RYK: variants seen among roughly 807,000 people sequenced by gnomAD.
RYK encodes the protein inactive tyrosine-protein kinase RYK.
A neutral mutation model predicts 70.2 loss-of-function variants in RYK; 21 were observed. The observed-to-expected ratio is 0.30, with a 90% confidence interval of 0.21 to 0.43. The LOEUF is 0.43. RYK is among the 20% of genes least tolerant of loss of function. The probability of loss-of-function intolerance (pLI) is 1.00; values close to 1 mark genes in which losing one functional copy is unlikely to be tolerated. For missense variants in RYK, 604 were observed against 753.3 expected (o/e 0.80, Z 2.32); for synonymous variants, 267 against 278.0 (o/e 0.96, Z 0.39).
At chr3:134,174,980 C>T (rs2013047666) in intron 13 of RYK, among the ~76,000 whole-genome samples, 1 of 152,192 alleles carries the variant, frequency 6.6e-6, no homozygotes, top group African/African-American at 2.4e-5. Flanking sequence ...ACTGTAACTG[C>T]TCTGAGTCTC....
chr3:134,207,484 T>G lies in RYK; in HGVS notation c.631A>C (p.Ser211Arg). ...VKTSALDKNT[S>R]RTIYDPVHAA... ...CAGTAACACTTACAAATAGTTCTGC[T>G]AGTGTTTTTGTCCAAGGCTGAAGTT... Residue 211 changes from serine to arginine, a missense_variant, in exon 5 of 15, where the codon AGC (serine) becomes CGC (arginine). Ser to Arg is a moderately radical substitution (Grantham distance 110, BLOSUM62 -1). Around this residue, in one of 2 missense-constraint regions of RYK, gnomAD observed 466 missense variants for 535.9 expected, o/e 0.87. Coordinates refer to ENST00000623711, the MANE Select transcript of RYK (RefSeq NM_002958.4). 3 of 1,539,634 alleles carry G rather than the reference T, an allele frequency of 1.9e-6. No homozygotes were observed. The South Asian group carries it at 3.7e-5, about 19-fold the overall frequency.
Position 134,250,461 on chromosome 3 carries a change from C to T in RYK, c.194G>A (p.Ser65Asn). The T allele has an allele frequency of 3.6e-6, 5 of 1,395,508 alleles. No homozygotes were observed. The highest frequency in any genetic ancestry group is 4.7e-6 in the Non-Finnish European group (5 of 1,071,546). 86.4% of individuals were successfully genotyped at this position (1,395,508 alleles called of 1,614,324 possible). A position where few individuals can be genotyped will look rare whatever the true frequency, so the allele number is the denominator to read the frequency against. Residue 65 changes from serine (S) to asparagine (N), a missense_variant, in exon 1 of 15, where the codon AGT (serine) becomes AAT (asparagine). By Grantham distance (46) the Ser-to-Asn change is conservative (BLOSUM62 1). Around this residue, in one of 2 missense-constraint regions of RYK, gnomAD observed 466 missense variants for 535.9 expected, o/e 0.87. Coordinates refer to ENST00000623711, the MANE Select transcript of RYK (RefSeq NM_002958.4). ...LQSASAGPSV[S>N]LYLSEDEVRR... Reference sequence around the variant, plus strand: ...CACCTCGTCCTCGCTCAGGTAGAGACTCACGCTGGGCCCCGCGGAAGCCGA... The same window carrying T: ...CACCTCGTCCTCGCTCAGGTAGAGATTCACGCTGGGCCCCGCGGAAGCCGA...
intron 1 of RYK, among the ~76,000 whole-genome samples, chr3:134,246,301 A>AACACACACACACAC (rs1342155987): frequency 1.9e-5 from 2 of 103,706 alleles, no homozygotes; most frequent in African/African-American, 7.8e-5. Context: ...CTCAGAAAGA[A>AACACACACACACAC]ATACACACAC....
At chr3:134,192,403 A>T (rs1020338953) in intron 7 of RYK, among the ~76,000 whole-genome samples, 1 of 151,102 alleles carries the variant, frequency 6.6e-6, no homozygotes, top group Admixed American at 6.9e-5. Context: ...TTTTTTTCAA[A>T]CATCTCTTCA....
chr3:134,163,285 T>C (rs1311746965), intron 13 of RYK, among the ~76,000 whole-genome samples: 5 of 152,186 alleles, frequency 3.3e-5, no homozygotes, highest in Non-Finnish European at 4.4e-5. Context: ...CAGAGATGAT[T>C]TGTGGAAAAC....
chr3:134,175,618 A>C lies in RYK; in HGVS notation c.1566T>G (p.Ala522=), dbSNP rs764688534. 6.2e-7 allele frequency: 1 copy of C among 1,613,604 alleles called. No individual in the cohort carries two copies. Among genetic ancestry groups the C allele is most frequent in the South Asian group, 1.1e-5 (1 of 91,052 alleles). ...GGGTCCCGGCACTTACCACATCACT[A>C]GCGCTAGAGAACTCGTTATTAACCA... is the stretch of plus-strand genomic sequence containing the variant. ...ESLVNNEFSS[A]SDVWAFGVTL... Residue 522 remains alanine (A), a synonymous_variant, in exon 13 of 15, where the codon GCT becomes GCG. Transcript: ENST00000623711.
intron 1 of RYK, among the ~76,000 whole-genome samples, chr3:134,248,795 T>C (rs1338433467): frequency 6.6e-6 from 1 of 151,922 alleles, no homozygotes; most frequent in Non-Finnish European, 1.5e-5. Context: ...CGAGACTCCG[T>C]CTAAAAAAAA....
intron 13 of RYK, among the ~76,000 whole-genome samples, chr3:134,160,295 T>C (rs982618988): frequency 3.3e-5 from 5 of 151,688 alleles, no homozygotes; most frequent in Non-Finnish European, 5.9e-5. Flanking sequence ...CTCAGAGAAA[T>C]AGCTTGCCCC....
intron 8 of RYK, among the ~76,000 whole-genome samples, chr3:134,191,487 T>C (rs1576512942): frequency 6.6e-6 from 1 of 152,178 alleles, no homozygotes; most frequent in Non-Finnish European, 1.5e-5. Context: ...CCATGTCCAT[T>C]CCTTCCGCTA....
chr3:134,243,811 A>C (rs2015384564), intron 1 of RYK, among the ~76,000 whole-genome samples: 1 of 152,172 alleles, frequency 6.6e-6, no homozygotes, highest in Non-Finnish European at 1.5e-5. Flanking sequence ...GTCAAAAGTA[A>C]GTGCTCCTAC....
chr3:134,195,902 C>T lies in RYK; in HGVS notation c.789-720G>A, dbSNP rs191518694. On this transcript the variant is annotated intron_variant, in intron 6 of 14. Transcript: ENST00000623711. The stretch of plus-strand genomic sequence containing the variant: ...TGGAGTTTGCAGTGAGTCAAGATTA[C>T]GCCACTGCACTCCAGCCTGGGCGAT... Among the ~76,000 whole-genome samples the T allele has an allele frequency of 9.1e-3, 1,376 of 151,832 alleles. 25 individuals carry two copies. Among genetic ancestry groups the T allele is most frequent in the South Asian group, 0.067 (323 of 4,798 alleles).
In RYK at chr3:134,159,475, T is replaced by C. The variant is rs2012377128; in HGVS notation, c.1576-102A>G. ...GGACAAAAAATAACAGCTCAACTCA[T>C]GCTTTGGAAAAGCGAAATGTTATTT... On this transcript the variant is annotated intron_variant, in intron 13 of 14. Coordinates refer to ENST00000623711, the MANE Select transcript of RYK (RefSeq NM_002958.4). 6.1e-6 allele frequency: 7 copies of C among 1,155,788 alleles called. No individual in the cohort carries two copies. In the Admixed American group the frequency reaches 1.8e-4, roughly 30 times the overall value. 71.6% of individuals were successfully genotyped at this position (1,155,788 alleles called of 1,614,324 possible). A position where few individuals can be genotyped will look rare whatever the true frequency, so the allele number is the denominator to read the frequency against.
At chr3:134,229,102 C>T (rs1444218052) in intron 1 of RYK, among the ~76,000 whole-genome samples, 1 of 151,848 alleles carries the variant, frequency 6.6e-6, no homozygotes, top group African/African-American at 2.4e-5. Context: ...TCAAACAAAA[C>T]CCAATCTGAG....
At chr3:134,204,666 A>T (rs1219728620) in intron 5 of RYK, among the ~76,000 whole-genome samples, 1 of 151,810 alleles carries the variant, frequency 6.6e-6, no homozygotes, top group Non-Finnish European at 1.5e-5. Flanking sequence ...AGCAAGATAC[A>T]AATGACATAA....
intron 13 of RYK, among the ~76,000 whole-genome samples, chr3:134,175,343 TAA>T (rs75907041): frequency 5.5e-4 from 71 of 128,810 alleles, no homozygotes; most frequent in Middle Eastern, 3.9e-3. Context: ...AACTCTGTCT[TAA>T]AAAAAAAAAA....
intron 10 of RYK, chr3:134,179,408 T>A (rs1445671818): frequency 6.6e-6 from 1 of 152,146 alleles, no homozygotes. Context: ...GCACTGACCC[T>A]GAGGAGGTGG....
intron 4 of RYK, 132 bp downstream of exon 4, chr3:134,209,563 T>A (rs2014326701): frequency 1.6e-6 from 1 of 622,240 alleles, no homozygotes; most frequent in African/African-American, 2.0e-5. Context: ...AAACTTCACC[T>A]GCCAGTGCTC....
intron 13 of RYK, among the ~76,000 whole-genome samples, chr3:134,165,296 C>A (rs955713175): frequency 1.3e-5 from 2 of 152,194 alleles, no homozygotes; most frequent in Non-Finnish European, 2.9e-5. Context: ...GAATTTTCTA[C>A]ATAAATGATC....
intron 2 of RYK, among the ~76,000 whole-genome samples, chr3:134,216,054 A>G (rs2014543104): frequency 6.6e-6 from 1 of 151,752 alleles, no homozygotes; most frequent in Admixed American, 6.6e-5. Context: ...AAAGAAAAAG[A>G]AAAAGAAAAT....
Sources: allele counts gnomAD v4.1 joint callset (sites outside exome capture counted in the v4.1 genomes callset), GRCh38; gene constraint gnomAD v4.1.1; regional missense constraint gnomAD v4.1.1; transcripts MANE v1.5; gene names NCBI Gene and HGNC (gene_info 2026-07-23, HGNC 2026-07-21).